The following ANXA4 variants were observed in gnomAD, a reference collection of about 807,000 sequenced individuals.
ANXA4 encodes the protein annexin A4.
In ANXA4, 39 loss-of-function variants were observed where a neutral mutation model predicts 49.8. That is an observed-to-expected ratio of 0.78 (90% CI 0.61 to 1.02). The LOEUF (loss-of-function observed/expected upper bound fraction) is 1.02. Among genes scored for constraint, ANXA4 ranks in the 50% least tolerant of loss-of-function variants. The pLI is 0.00. For missense variants in ANXA4, 360 were observed against 410.1 expected, an observed-to-expected ratio of 0.88 and a Z score of 1.05; for synonymous variants, 134 against 152.5, an observed-to-expected ratio of 0.88 and a Z score of 0.89.
At chr2:69,646,114 T>TG (rs1237938163) in intron 1 of ANXA4, among the ~76,000 whole-genome samples, 3 of 152,280 alleles carry the variant, frequency 2.0e-5, no homozygotes, top group African/African-American at 7.2e-5. Flanking sequence ...GGAAACCTCT[T>TG]GCCACTTCAT....
intron 3 of ANXA4, among the ~76,000 whole-genome samples, chr2:69,735,681 G>T (rs747110964): frequency 1.3e-5 from 2 of 152,086 alleles, no homozygotes; most frequent in Non-Finnish European, 2.9e-5. Flanking sequence ...AGAAGTCTAG[G>T]CTAAAACCCA....
At chr2:69,819,915 A>G (rs951470369) in intron 11 of ANXA4, among the ~76,000 whole-genome samples, 2 of 152,004 alleles carry the variant, frequency 1.3e-5, no homozygotes, top group Admixed American at 6.6e-5. Context: ...CAAAAATGCA[A>G]AAATTAGTCA....
intron 3 of ANXA4, among the ~76,000 whole-genome samples, chr2:69,793,870 A>AT (rs33948248): frequency 1.3e-5 from 2 of 151,658 alleles, no homozygotes; most frequent in Admixed American, 6.6e-5. Context: ...GAGAAAAAAA[A>AT]GTTTCCAGAT....
At chr2:69,822,788 T>C (rs958177279) in intron 12 of ANXA4, among the ~76,000 whole-genome samples, 1 of 152,108 alleles carries the variant, frequency 6.6e-6, no homozygotes, top group African/African-American at 2.4e-5. Flanking sequence ...AGTTATTGGT[T>C]AGTGGGTACA....
At chr2:69,767,413 G>T (rs1436877057) in intron 1 of ANXA4, among the ~76,000 whole-genome samples, 1 of 152,176 alleles carries the variant, frequency 6.6e-6, no homozygotes, top group African/African-American at 2.4e-5. Context: ...ATTGTGGTTG[G>T]ATCAGCCATG....
intron 1 of ANXA4, among the ~76,000 whole-genome samples, chr2:69,744,520 C>T (rs1670533904): frequency 6.6e-6 from 1 of 152,166 alleles, no homozygotes; most frequent in East Asian, 1.9e-4. Context: ...TTGGTCCAAA[C>T]CTAGCCCTTG....
intron 2 of ANXA4, among the ~76,000 whole-genome samples, chr2:69,683,000 C>CA (rs1447708585): frequency 6.6e-6 from 1 of 152,134 alleles, no homozygotes; most frequent in East Asian, 1.9e-4. Flanking sequence ...AAAACAGGAA[C>CA]AAAATTTTTC....
At chr2:69,703,432 C>T (rs138870204) in intron 2 of ANXA4, among the ~76,000 whole-genome samples, 52 of 152,244 alleles carry the variant, frequency 3.4e-4, no homozygotes, top group African/African-American at 1.1e-3. Flanking sequence ...TTCATGTCCC[C>T]ACGAGTCCCC....
chr2:69,810,928 G>A, intron 7 of ANXA4: 1 of 480,750 alleles, frequency 2.1e-6, no homozygotes. Context: ...TGCATTGAGA[G>A]TTATGAAGAT....
intron 3 of ANXA4, among the ~76,000 whole-genome samples, chr2:69,801,737 A>C (rs922163942): frequency 1.3e-5 from 2 of 152,032 alleles, no homozygotes; most frequent in African/African-American, 4.8e-5. Context: ...ATTTCTTTCT[A>C]TCTCCTGTAT....
At chr2:69,786,760 C>G (rs541703314) in intron 2 of ANXA4, among the ~76,000 whole-genome samples, 1 of 152,144 alleles carries the variant, frequency 6.6e-6, no homozygotes, top group African/African-American at 2.4e-5. Context: ...CTCACTCTGT[C>G]GCCCAGATTG....
At chr2:69,819,552 C>A (rs1477648641) in intron 11 of ANXA4, among the ~76,000 whole-genome samples, 1 of 151,994 alleles carries the variant, frequency 6.6e-6, no homozygotes, top group Non-Finnish European at 1.5e-5. Context: ...TAATTATATC[C>A]CCACAACAGC....
At chr2:69,778,542 G>T (rs953089357) in intron 1 of ANXA4, among the ~76,000 whole-genome samples, 8 of 152,294 alleles carry the variant, frequency 5.3e-5, no homozygotes, top group African/African-American at 1.9e-4. Context: ...TTGGGAGGCC[G>T]AGGCGGGCAG....
Position 69,695,069 on chromosome 2 carries a change from A to T in ANXA4, n.767-25705A>T, listed in dbSNP as rs1271126291. 3.9e-5 allele frequency among the ~76,000 whole-genome samples: 6 copies of T among 152,104 alleles called. No individual in the cohort carries two copies. The East Asian group carries it at 1.2e-3, about 29-fold the overall frequency. On this transcript the variant is annotated intron_variant and non_coding_transcript_variant, in intron 2 of 3. Coordinates refer to the ANXA4 transcript ENST00000418066. ...AGAGGTGGGAGTATCACTTGAGCCC[A>T]GGAGGTCGAGGTTGCAGAAAGCCAT...
intron 2 of ANXA4, among the ~76,000 whole-genome samples, chr2:69,782,926 T>C (rs1423234655): frequency 1.3e-5 from 2 of 152,216 alleles, no homozygotes; most frequent in Non-Finnish European, 2.9e-5. Context: ...AAAATCACAC[T>C]ATACAGTCGC....
chr2:69,777,541 T>C, intron 1 of ANXA4, among the ~76,000 whole-genome samples: 1 of 152,238 alleles, frequency 6.6e-6, no homozygotes, highest in South Asian at 2.1e-4. Context: ...TTAGGAGTTA[T>C]GTACCAGGAA....
At chr2:69,814,988 G>A (rs1232664907) in intron 8 of ANXA4, 4 of 152,346 alleles carry the variant, frequency 2.6e-5, no homozygotes, top group Non-Finnish European at 4.4e-5. Context: ...AAGTCCAAAG[G>A]CAGGAAAAAA....
At chr2:69,693,643 G>T (rs1274472438) in intron 2 of ANXA4, among the ~76,000 whole-genome samples, 1 of 152,182 alleles carries the variant, frequency 6.6e-6, no homozygotes, top group Non-Finnish European at 1.5e-5. Context: ...TGTCTGTGGG[G>T]ACAGGAGAGG....
chr2:69,816,258 T>C, intron 9 of ANXA4, 64 bp downstream of exon 9: 2 of 1,370,652 alleles, frequency 1.5e-6, no homozygotes. Flanking sequence ...ATATTGCCCA[T>C]AAGTAGTTGA....
Sources: allele counts gnomAD v4.1 joint callset (sites outside exome capture counted in the v4.1 genomes callset), GRCh38; gene constraint gnomAD v4.1.1; transcripts MANE v1.5; gene names NCBI Gene and HGNC (gene_info 2026-07-23, HGNC 2026-07-21).